Variants in ITGB8 observed in about 807,000 individuals in gnomAD.
ITGB8 encodes the protein integrin subunit beta 8, also known as integrin beta-8.
Under a neutral mutation model 89.5 loss-of-function variants are expected in ITGB8, and 30 were observed. The ratio of observed to expected loss-of-function variants is 0.34; its 90% confidence interval spans 0.25 to 0.45. The LOEUF (loss-of-function observed/expected upper bound fraction) is 0.45, where lower values mean the gene tolerates loss of function less well. Among genes scored for constraint, ITGB8 ranks in the 20% least tolerant of loss-of-function variants. ITGB8 has a pLI of 1.00. For missense variants in ITGB8, 836 were observed against 933.3 expected, an observed-to-expected ratio of 0.90 and a Z score of 1.36; for synonymous variants, 335 against 320.4, an observed-to-expected ratio of 1.05 and a Z score of -0.49.
intron 3 of ITGB8, among the ~76,000 whole-genome samples, chr7:20,372,564 C>G (rs994635621): frequency 4.6e-5 from 7 of 152,038 alleles, no homozygotes; most frequent in African/African-American, 1.7e-4. Flanking sequence ...GAGGCTGAAG[C>G]TCAGGGGAGA....
At chr7:20,363,566 C>A in intron 1 of ITGB8, 71 bp from the exon 2 acceptor site, 1 of 821,688 alleles carries the variant, frequency 1.2e-6, no homozygotes, top group Non-Finnish European at 1.8e-6. Context: ...TCATTTGTTT[C>A]ATTTTAGTCT....
In ITGB8 at chr7:20,367,101, C is replaced by T. The variant is rs1785730080; in HGVS notation, c.303C>T (p.Tyr101=). ...SKGCSVDSIE[Y]PSVHVIIPTE... is the part of the protein sequence containing the mutation. ...GCTGCTCAGTTGATTCAATAGAATA[C>T]CCATCTGTGCATGTTATAATACCCA... Residue 101 remains tyrosine, a synonymous_variant, in exon 3 of 14, where the codon TAC becomes TAT. Transcript: ENST00000222573. The T allele has an allele frequency of 6.2e-7, 1 of 1,607,014 alleles. No homozygotes were observed. The highest frequency in any genetic ancestry group is 8.5e-7 in the Non-Finnish European group (1 of 1,173,654).
intron 12 of ITGB8, 25 bp downstream of exon 12, chr7:20,406,196 G>C: frequency 7.6e-7 from 1 of 1,310,724 alleles, no homozygotes; most frequent in Non-Finnish European, 1.1e-6. Context: ...AATAATCAAA[G>C]CACAGAAGAG....
rs137917088 is a variant in ITGB8 at position 20,345,787 on chromosome 7, C to G, written c.127+13854C>G. Among the ~76,000 whole-genome samples the G allele has an allele frequency of 4.1e-3, 624 of 152,144 alleles. 5 individuals carry two copies. Among genetic ancestry groups the G allele is most frequent in the African/African-American group, 0.014 (595 of 41,494 alleles). ...GAGAAGTTGCAGTTACTGGTAATTA[C>G]AAGGTCTAAATTTCTTAACATGGAA... On this transcript the variant is annotated intron_variant, in intron 1 of 13. Transcript: ENST00000222573.
chr7:20,385,515 T>C (rs554192017), intron 6 of ITGB8, among the ~76,000 whole-genome samples: 45 of 152,348 alleles, frequency 3.0e-4, no homozygotes, highest in Middle Eastern at 6.8e-3. Context: ...CAGGCTCATT[T>C]GGATAGGCTA....
intron 8 of ITGB8, among the ~76,000 whole-genome samples, chr7:20,398,329 C>G (rs1787171949): frequency 6.6e-6 from 1 of 152,158 alleles, no homozygotes; most frequent in African/African-American, 2.4e-5. Flanking sequence ...CTTGCTCCTT[C>G]AGTGTAGAAA....
chr7:20,349,783 T>C (rs1489369698), intron 1 of ITGB8, among the ~76,000 whole-genome samples: 2 of 152,208 alleles, frequency 1.3e-5, no homozygotes, highest in Non-Finnish European at 2.9e-5. Context: ...GAAAGAAATA[T>C]ATTCCTTCAT....
intron 8 of ITGB8, among the ~76,000 whole-genome samples, chr7:20,398,411 T>C (rs1787175133): frequency 6.6e-6 from 1 of 152,172 alleles, no homozygotes; most frequent in Non-Finnish European, 1.5e-5. Context: ...GTCTCAATTG[T>C]TTGAAACAAA....
At chr7:20,398,444 A>G (rs1344290922) in intron 8 of ITGB8, among the ~76,000 whole-genome samples, 1 of 152,190 alleles carries the variant, frequency 6.6e-6, no homozygotes, top group East Asian at 1.9e-4. Flanking sequence ...GCAGCTTTAT[A>G]TGGCAGAAGC....
Position 20,401,966 on chromosome 7 carries a change from G to GA in ITGB8, c.1528dup (p.Ser510LysfsTer28). ...TTGATGAAGATCAGTTTTCTTCTGAGAGTTGCAAGTCACACAAGGATCAGC... is the reference window on the plus strand; with the variant it reads ...TTGATGAAGATCAGTTTTCTTCTGAGAAGTTGCAAGTCACACAAGGATCAGC... On this transcript the variant is annotated frameshift_variant, in exon 10 of 14. Transcript: ENST00000222573. LOFTEE classifies it high-confidence loss of function. 6.2e-7 allele frequency: 1 copy of GA among 1,614,176 alleles called. No individual in the cohort carries two copies. Among genetic ancestry groups the GA allele is most frequent in the Non-Finnish European group, 8.5e-7 (1 of 1,180,020 alleles).
At chr7:20,373,841 C>A (rs1583504491) in intron 3 of ITGB8, among the ~76,000 whole-genome samples, 1 of 152,134 alleles carries the variant, frequency 6.6e-6, no homozygotes, top group Admixed American at 6.6e-5. Flanking sequence ...TTTTACTTAT[C>A]TTTTCCTAGT....
chr7:20,343,355 A>C (rs1442374886), intron 1 of ITGB8, among the ~76,000 whole-genome samples: 2 of 152,192 alleles, frequency 1.3e-5, no homozygotes. Flanking sequence ...GGCCCAGGAA[A>C]TTCCTTAAGG....
Position 20,379,306 on chromosome 7 carries a change from G to T in ITGB8, c.635+9G>T. ...ATTCATAATCAATGCAGGTATCTAGGGTTTGATGTGGATATGCTAAATTAA... is the reference window on the plus strand; with the variant it reads ...ATTCATAATCAATGCAGGTATCTAGTGTTTGATGTGGATATGCTAAATTAA... On this transcript the variant is annotated intron_variant, in intron 4 of 13. Coordinates refer to ENST00000222573, the MANE Select transcript of ITGB8 (RefSeq NM_002214.3). 1 of 1,527,974 alleles carries T rather than the reference G, an allele frequency of 6.5e-7. No homozygotes were observed. Among genetic ancestry groups the T allele is most frequent in the Admixed American group, 2.0e-5 (1 of 49,538 alleles). The allele number at this position is 1,527,974 out of a possible 1,614,324, so 94.7% of individuals were successfully genotyped here.
chr7:20,352,552 A>T (rs529938021), intron 1 of ITGB8: 11 of 152,364 alleles, frequency 7.2e-5, no homozygotes, highest in African/African-American at 2.2e-4. Context: ...GATGTATATA[A>T]GATATAATCT....
intron 1 of ITGB8, among the ~76,000 whole-genome samples, chr7:20,343,137 G>T (rs924733080): frequency 1.3e-5 from 2 of 152,282 alleles, no homozygotes; most frequent in African/African-American, 2.4e-5. Flanking sequence ...AAACAGAGGG[G>T]CTCAGATTTC....
intron 1 of ITGB8, among the ~76,000 whole-genome samples, chr7:20,362,355 T>A (rs546894418): frequency 3.9e-5 from 6 of 152,230 alleles, no homozygotes; most frequent in African/African-American, 1.4e-4. Context: ...CACATGTGCA[T>A]GAGTGTGCAC....
chr7:20,401,334 T>A (rs931976246), intron 9 of ITGB8, among the ~76,000 whole-genome samples: 1 of 152,144 alleles, frequency 6.6e-6, no homozygotes, highest in Non-Finnish European at 1.5e-5. Context: ...GTTTATGTGA[T>A]CTATCTCTAG....
intron 1 of ITGB8, among the ~76,000 whole-genome samples, chr7:20,362,839 A>G (rs1402833799): frequency 6.6e-6 from 1 of 152,180 alleles, no homozygotes; most frequent in Non-Finnish European, 1.5e-5. Context: ...ACCTATACTA[A>G]TGAGCCTTAT....
At chr7:20,397,480 C>T (rs1787134435) in intron 8 of ITGB8, among the ~76,000 whole-genome samples, 1 of 152,140 alleles carries the variant, frequency 6.6e-6, no homozygotes. Context: ...CCTGCCTCAG[C>T]CTCCCAAAGA....
Sources: gnomAD v4.1 joint callset for allele counts (sites outside exome capture counted in the v4.1 genomes callset) on GRCh38, gnomAD v4.1.1 for gene constraint, MANE v1.5 for transcripts, NCBI Gene and HGNC (gene_info 2026-07-23, HGNC 2026-07-21) for gene names.